GCN1: variants seen among roughly 807,000 people sequenced by gnomAD.
The protein encoded by GCN1 is stalled ribosome sensor GCN1.
In GCN1, 90 loss-of-function variants were observed where a neutral mutation model predicts 288.4. The observed-to-expected ratio is 0.31, with a 90% CI of 0.26 to 0.37. The LOEUF (loss-of-function observed/expected upper bound fraction) is 0.37. Ranked by LOEUF, GCN1 falls within the 10% of genes least tolerant of loss-of-function variation. The pLI is 1.00. For missense variants in GCN1, 2,586 were observed against 3,419.9 expected (o/e 0.76, Z 6.08); for synonymous variants, 1,386 against 1,420.2 (o/e 0.98, Z 0.54).
At position 120,131,900 on chromosome 12, in the gene GCN1, G is replaced by A. The variant is rs1361565222; in HGVS notation, c.7414+26C>T. Reference sequence around the variant, plus strand: ...CTAGGGCTGAGAGGCCCAGGTCCCTGAAGGGGAACTCTCCAGTGTACTTAC... The same window carrying A: ...CTAGGGCTGAGAGGCCCAGGTCCCTAAAGGGGAACTCTCCAGTGTACTTAC... On this transcript the variant is annotated intron_variant, in intron 54 of 57. Transcript: ENST00000300648. 5.4e-6 allele frequency: 8 copies of A among 1,474,928 alleles called. No homozygotes were observed. In the East Asian group the frequency reaches 1.9e-4, roughly 34 times the overall value. 91.4% of individuals were successfully genotyped at this position (1,474,928 alleles called of 1,614,324 possible). A position where few individuals can be genotyped will look rare whatever the true frequency, so the allele number is the denominator to read the frequency against.
In GCN1 at chr12:120,178,753, C is replaced by A; in HGVS notation, c.532G>T (p.Gly178Trp). The change falls in exon 7 of 58, where the codon GGG becomes TGG. Residue 178 changes from glycine to tryptophan, a missense_variant. Gly to Trp is a radical substitution (Grantham distance 184, BLOSUM62 -2). Around this residue, in one of 8 missense-constraint regions of GCN1, gnomAD observed 913 missense variants for 1,107.0 expected, o/e 0.82. Coordinates refer to ENST00000300648, the MANE Select transcript of GCN1 (RefSeq NM_006836.2). ...KLTKLWKENPGLVEQYLSAIL... is the reference protein window; with the variant it reads ...KLTKLWKENPWLVEQYLSAIL... ...GCTGACAAGTACTGTTCCACCAGCC[C>A]GGGGTTCTGAAGAGGAAAGTGCCAG... 6.2e-7 allele frequency: 1 copy of A among 1,614,200 alleles called. No individual in the cohort carries two copies. Among genetic ancestry groups the A allele is most frequent in the Non-Finnish European group, 8.5e-7 (1 of 1,180,030 alleles).
chr12:120,148,847 T>C (rs1216177081), intron 36 of GCN1, among the ~76,000 whole-genome samples: 1 of 152,068 alleles, frequency 6.6e-6, no homozygotes, highest in Non-Finnish European at 1.5e-5. Flanking sequence ...TGAGACAGGG[T>C]CTCACGCTGC....
In GCN1 at chr12:120,127,795, T is replaced by C. The variant is rs1399923716; in HGVS notation, c.*54A>G. 1 of 1,583,276 alleles carries C rather than the reference T, an allele frequency of 6.3e-7. No individual in the cohort carries two copies. The highest frequency in any genetic ancestry group is 8.6e-7 in the Non-Finnish European group (1 of 1,159,816). On this transcript the variant is annotated 3_prime_UTR_variant, in exon 58 of 58. Transcript: ENST00000300648. ...ATTGGAACAAATGTATTTTCAAAAA[T>C]GAAAACATTGAGCAAAGATGTGGAG...
chr12:120,164,408 C>A lies in GCN1; in HGVS notation c.1776G>T (p.Leu592=). The part of the protein sequence containing the change: ...RQAQQTVRKL[L]SSLGGFKLAH... ...CCAGCTTAAAGCCCCCAAGAGAGGA[C>A]AGCAGCTTCCGAACTGTCTGCTGAG... is the stretch of plus-strand genomic sequence containing the variant. Residue 592 remains leucine, a synonymous_variant, in exon 18 of 58, where the codon CTG becomes CTT. Transcript: ENST00000300648. 6.2e-7 allele frequency: 1 copy of A among 1,614,194 alleles called. No homozygotes were observed. Among genetic ancestry groups the A allele is most frequent in the Non-Finnish European group, 8.5e-7 (1 of 1,180,018 alleles).
intron 14 of GCN1, among the ~76,000 whole-genome samples, chr12:120,172,929 A>G (rs936613373): frequency 2.6e-5 from 4 of 152,138 alleles, no homozygotes; most frequent in Non-Finnish European, 5.9e-5. Flanking sequence ...TCCTATACAG[A>G]TTTGAAAGTT....
chr12:120,168,207 C>T lies in GCN1; in HGVS notation c.1612+1G>A. 6.6e-7 allele frequency: 1 copy of T among 1,517,016 alleles called. No individual in the cohort carries two copies. The highest frequency in any genetic ancestry group is 9.2e-7 in the Non-Finnish European group (1 of 1,091,378). 94.0% of individuals were successfully genotyped at this position (1,517,016 alleles called of 1,614,324 possible). ...GTTCAACTAAGCATGGAGTAACTTA[C>T]CATCCTCTGAAGCCATGACCAGGAA... On this transcript the variant is annotated splice_donor_variant, in intron 16 of 57. Transcript: ENST00000300648. LOFTEE classifies it high-confidence loss of function.
Position 120,140,923 on chromosome 12 carries a change from C to T in GCN1, c.5930G>A (p.Ser1977Asn). The change falls in exon 45 of 58, where the codon AGC (serine) becomes AAC (asparagine). Residue 1977 changes from serine (S) to asparagine (N), a missense_variant. By Grantham distance (46) the Ser-to-Asn change is conservative. Around this residue, in one of 8 missense-constraint regions of GCN1, gnomAD observed 437 missense variants for 570.5 expected, o/e 0.77. Transcript: ENST00000300648. ...ILEEGLRSQK[S>N]DERQGVCIGL... ...AATGCACACACCCTGCCTCTCATCG[C>T]TCTTCTGAGACCTCAGGCCTTCCTC... 1 of 1,614,168 alleles carries T rather than the reference C, an allele frequency of 6.2e-7. No individual in the cohort carries two copies. The highest frequency in any genetic ancestry group is 8.5e-7 in the Non-Finnish European group (1 of 1,179,996).
rs1016295110 is a variant in GCN1, at chr12:120,137,785, G to A, written c.6423C>T (p.Leu2141=). ...GGTGCCCTGTGTCATCCTCTACGGA[G>A]AGGATCACAGCCTGACAATTGGCCA... ...LEMANCQAVI[L]SVEDDTGHRI... Residue 2141 remains leucine (L), a synonymous_variant, in exon 49 of 58, where the codon CTC becomes CTT. Coordinates refer to ENST00000300648, the MANE Select transcript of GCN1 (RefSeq NM_006836.2). This position sits in a 1 kb window ranked among gnomAD's most constrained non-coding sequence, Gnocchi z 5.2. 1.6e-5 allele frequency: 26 copies of A among 1,613,972 alleles called. No individual in the cohort carries two copies. The highest frequency in any genetic ancestry group is 8.3e-5 in the Admixed American group (5 of 59,996).
Position 120,151,184 on chromosome 12 carries a change from C to A in GCN1, c.4270G>T (p.Asp1424Tyr). 2 of 1,614,076 alleles carry A rather than the reference C, an allele frequency of 1.2e-6. No homozygotes were observed. The highest frequency in any genetic ancestry group is 1.7e-6 in the Non-Finnish European group (2 of 1,180,040). Reference protein sequence around the residue: ...KQQEMMAALTDAIQDKKNFRR... With the variant: ...KQQEMMAALTYAIQDKKNFRR... ...AAGTTCTTCTTATCTTGGATGGCAT[C>A]AGTCAGTGCCGCCATCATCTCCTGT... Residue 1424 changes from aspartate (D) to tyrosine (Y), a missense_variant, in exon 34 of 58, where the codon GAT (aspartate) becomes TAT (tyrosine). Around this residue, in one of 8 missense-constraint regions of GCN1, gnomAD observed 371 missense variants for 572.6 expected, o/e 0.65. Coordinates refer to ENST00000300648, the MANE Select transcript of GCN1 (RefSeq NM_006836.2).
rs2139105147 is a variant in GCN1 at position 120,153,033 on chromosome 12, T to G, written c.4062+180A>C. On this transcript the variant is annotated intron_variant, in intron 33 of 57. Coordinates refer to ENST00000300648, the MANE Select transcript of GCN1 (RefSeq NM_006836.2). The surrounding 1 kb of genome is among the most constrained non-coding windows in gnomAD (Gnocchi z 4.4). ...AACAAAGTAACAAAGAAACTCCCTC[T>G]CCAGGAGTGTTCCTGACTATAAACC... Among the ~76,000 whole-genome samples, 1 of 152,272 alleles carries G rather than the reference T, an allele frequency of 6.6e-6. No individual in the cohort carries two copies. Among genetic ancestry groups the G allele is most frequent in the Middle Eastern group, 3.4e-3 (1 of 294 alleles).
intron 16 of GCN1, 56 bp downstream of exon 16, chr12:120,168,151 AT>A: frequency 1.9e-6 from 2 of 1,075,252 alleles, no homozygotes; most frequent in Non-Finnish European, 2.9e-6. Context: ...CTCTCTGAAG[AT>A]TTTCCAAAGA....
At chr12:120,135,548 A>G (rs976986987) in intron 51 of GCN1, among the ~76,000 whole-genome samples, 1 of 152,030 alleles carries the variant, frequency 6.6e-6, no homozygotes, top group African/African-American at 2.4e-5. Context: ...TTTTCAGTAG[A>G]GACAGGGTTT....
intron 51 of GCN1, among the ~76,000 whole-genome samples, chr12:120,135,582 C>T (rs1031456256): frequency 5.2e-4 from 79 of 151,440 alleles, no homozygotes; most frequent in African/African-American, 1.7e-3. Flanking sequence ...AGGCTGGTCT[C>T]GAACTCCCGA....
At position 120,142,488 on chromosome 12, in the gene GCN1, C is replaced by T; in HGVS notation, c.5829+19G>A. The T allele has an allele frequency of 6.2e-7, 1 of 1,601,034 alleles. No homozygotes were observed. The highest frequency in any genetic ancestry group is 8.6e-7 in the Non-Finnish European group (1 of 1,168,722). ...AGGCACTGGGGCTGCTGGTCCAAAA[C>T]AAGGCCCAGGAAACTCACCGTTCTC... On this transcript the variant is annotated intron_variant, in intron 44 of 57. Transcript: ENST00000300648. This position sits in a 1 kb window ranked among gnomAD's most constrained non-coding sequence, Gnocchi z 4.9.
At chr12:120,184,040 C>G in intron 4 of GCN1, 72 bp downstream of exon 4, 7 of 1,346,478 alleles carry the variant, frequency 5.2e-6, no homozygotes, top group Non-Finnish European at 7.2e-6. Flanking sequence ...CTCTGGTGCA[C>G]AGTCAACTGC....
intron 7 of GCN1, 87 bp downstream of exon 7, chr12:120,178,538 G>T: frequency 7.3e-7 from 1 of 1,368,188 alleles, no homozygotes; most frequent in Non-Finnish European, 1.0e-6. Flanking sequence ...GGTCACCAGG[G>T]CAAAGCAGGT....
At chr12:120,129,969 TCA>T (rs1876761196) in intron 56 of GCN1, among the ~76,000 whole-genome samples, 1 of 152,194 alleles carries the variant, frequency 6.6e-6, no homozygotes, top group Admixed American at 6.5e-5. Context: ...GCTGATGTCA[TCA>T]CAGACGAGGC....
chr12:120,181,686 A>G (rs1209922827), intron 5 of GCN1, among the ~76,000 whole-genome samples: 1 of 151,648 alleles, frequency 6.6e-6, no homozygotes, highest in Non-Finnish European at 1.5e-5. Context: ...GTAAAAATAC[A>G]AAACTAGTCG....
At chr12:120,138,482 A>T in intron 46 of GCN1, 67 bp from the exon 47 acceptor site, 1 of 1,102,812 alleles carries the variant, frequency 9.1e-7, no homozygotes, top group Non-Finnish European at 1.4e-6. Context: ...GCCACCGCCA[A>T]CTTCCTTCTC....
Sources: allele counts gnomAD v4.1 joint callset (sites outside exome capture counted in the v4.1 genomes callset), GRCh38; gene constraint gnomAD v4.1.1; regional missense constraint gnomAD v4.1.1; non-coding constraint Gnocchi (gnomAD v3.1); transcripts MANE v1.5; gene names NCBI Gene and HGNC (gene_info 2026-07-23, HGNC 2026-07-21).